Variants in TEX264 observed in about 807,000 individuals in gnomAD.
The protein encoded by TEX264 is testis expressed 264, ER-phagy receptor, also known as testis-expressed protein 264.
Under a neutral mutation model 23.4 loss-of-function variants are expected in TEX264, and 13 were observed. The ratio of observed to expected loss-of-function variants is 0.56; its 90% CI spans 0.36 to 0.88. TEX264 has a LOEUF of 0.88. Among genes scored for constraint, TEX264 ranks in the 40% least tolerant of loss-of-function variants. The probability of loss-of-function intolerance (pLI) is 0.01; values close to 1 mark genes in which losing one functional copy is unlikely to be tolerated. For synonymous variants in TEX264, 159 were observed against 170.0 expected (o/e 0.94, Z 0.50); for missense variants, 340 against 406.8 (o/e 0.84, Z 1.41).
chr3:51,684,121 C>A (rs1023215158), intron 2 of TEX264: 8 of 428,444 alleles, frequency 1.9e-5, no homozygotes, highest in South Asian at 2.6e-5. Context: ...CTCTCCTGGC[C>A]TCCAGAAGGG....
intron 3 of TEX264, among the ~76,000 whole-genome samples, chr3:51,689,468 GGGAA>G (rs1437299111): frequency 6.8e-6 from 1 of 146,808 alleles, no homozygotes; most frequent in African/African-American, 2.5e-5. Flanking sequence ...AAAAAAAAAA[GGGAA>G]GGAAGGAAGT....
At chr3:51,694,000 T>G (rs1702931662) in intron 3 of TEX264, among the ~76,000 whole-genome samples, 1 of 55,770 alleles carries the variant, frequency 1.8e-5, no homozygotes, top group African/African-American at 9.5e-5. Flanking sequence ...CCTTCCTTCC[T>G]TCCTTCCTTC....
intron 3 of TEX264, 72 bp from the exon 4 acceptor site, chr3:51,699,334 G>A (rs1703192467): frequency 3.9e-6 from 6 of 1,519,920 alleles, no homozygotes; most frequent in Non-Finnish European, 9.0e-7. Context: ...AGACAGTTCT[G>A]GGGGTCACCC....
intron 3 of TEX264, among the ~76,000 whole-genome samples, chr3:51,690,136 C>G (rs186502794): frequency 1.3e-5 from 2 of 152,324 alleles, no homozygotes; most frequent in South Asian, 2.1e-4. Context: ...GTTTGCTTCC[C>G]TTTAGTCTGC....
chr3:51,687,205 T>C (rs1702653722), intron 3 of TEX264, among the ~76,000 whole-genome samples: 1 of 152,182 alleles, frequency 6.6e-6, no homozygotes, highest in Admixed American at 6.5e-5. Flanking sequence ...AGAGGCCGGC[T>C]GCCCACAGAA....
intron 3 of TEX264, among the ~76,000 whole-genome samples, chr3:51,694,768 C>G (rs1702993331): frequency 6.6e-6 from 1 of 152,188 alleles, no homozygotes; most frequent in Non-Finnish European, 1.5e-5. Context: ...TTGGGCTCTG[C>G]TGGTGTGAGG....
intron 4 of TEX264, among the ~76,000 whole-genome samples, chr3:51,700,152 C>T (rs1703238581): frequency 6.6e-6 from 1 of 152,186 alleles, no homozygotes; most frequent in Non-Finnish European, 1.5e-5. Context: ...GGCCCCAGGT[C>T]CAGGCTGGAA....
At chr3:51,700,108 C>T (rs1349864626) in intron 4 of TEX264, among the ~76,000 whole-genome samples, 2 of 152,148 alleles carry the variant, frequency 1.3e-5, no homozygotes, top group African/African-American at 2.4e-5. Flanking sequence ...TGCCTTTCTC[C>T]AGGGCCAGCC....
chr3:51,680,155 A>G (rs1283048761), intron 2 of TEX264, among the ~76,000 whole-genome samples: 2 of 152,042 alleles, frequency 1.3e-5, no homozygotes, highest in Non-Finnish European at 2.9e-5. Flanking sequence ...GGTTTGAGAG[A>G]TGGTGCTGCT....
chr3:51,694,089 T>A (rs112396160), intron 3 of TEX264, among the ~76,000 whole-genome samples: 3 of 48,018 alleles, frequency 6.2e-5, no homozygotes, highest in African/African-American at 3.1e-4. Flanking sequence ...CCGTCCGTCC[T>A]TCCTTCCTTC....
intron 3 of TEX264, among the ~76,000 whole-genome samples, chr3:51,694,086 TCCTTC>T (rs1449258297): frequency 1.3e-4 from 3 of 23,664 alleles, no homozygotes; most frequent in Admixed American, 3.5e-4. Context: ...CTTCCGTCCG[TCCTTC>T]CTTCCTTCCT....
At chr3:51,681,018 A>T (rs1292149326) in intron 2 of TEX264, among the ~76,000 whole-genome samples, 2 of 152,098 alleles carry the variant, frequency 1.3e-5, no homozygotes, top group Non-Finnish European at 2.9e-5. Flanking sequence ...TCCCAGCTTC[A>T]ACTTTGCATG....
At position 51,703,057 on chromosome 3, in the gene TEX264, G is replaced by A. The variant is rs1470110053; in HGVS notation, c.650-667G>A. Reference sequence around the variant, plus strand: ...CATAGGGAGAGAAAACCCTTAACATGTTTCATCCCAGCACCCTCCTCCTTG... The same window carrying A: ...CATAGGGAGAGAAAACCCTTAACATATTTCATCCCAGCACCCTCCTCCTTG... On this transcript the variant is annotated intron_variant, in intron 4 of 4. Transcript: ENST00000341333. This position sits in a 1 kb window ranked among gnomAD's most constrained non-coding sequence, Gnocchi z 4.8. Among the ~76,000 whole-genome samples, 1 of 152,128 alleles carries A rather than the reference G, an allele frequency of 6.6e-6. No individual in the cohort carries two copies. The highest frequency in any genetic ancestry group is 1.5e-5 in the Non-Finnish European group (1 of 67,992).
chr3:51,673,420 C>T (rs199917481), intron 1 of TEX264, among the ~76,000 whole-genome samples: 1 of 152,254 alleles, frequency 6.6e-6, no homozygotes, highest in East Asian at 1.9e-4. Context: ...GTTCCTGGGA[C>T]TGCTCTTGAA....
chr3:51,673,116 A>T (rs1469604270), intron 1 of TEX264, among the ~76,000 whole-genome samples: 1 of 152,220 alleles, frequency 6.6e-6, no homozygotes, highest in Non-Finnish European at 1.5e-5. Context: ...ACCCACAGGG[A>T]AGAAATAATT....
chr3:51,689,837 G>A (rs1223710166), intron 3 of TEX264, among the ~76,000 whole-genome samples: 1 of 152,198 alleles, frequency 6.6e-6, no homozygotes, highest in Non-Finnish European at 1.5e-5. Flanking sequence ...TGCAGGTAGG[G>A]CAGGAGCTCC....
At chr3:51,687,818 G>T (rs1309644358) in intron 3 of TEX264, among the ~76,000 whole-genome samples, 3 of 152,210 alleles carry the variant, frequency 2.0e-5, no homozygotes, top group Non-Finnish European at 4.4e-5. Context: ...CCTGGAACAG[G>T]ATTGGTCTCA....
chr3:51,703,686 G>T lies in TEX264; in HGVS notation c.650-38G>T, dbSNP rs199688268. ...CTCTCCCTGGAGGAGGGGGTGGGGTGGTCCTAGCTAACCTGTGCTCCCTTT... is the reference window on the plus strand; with the variant it reads ...CTCTCCCTGGAGGAGGGGGTGGGGTTGTCCTAGCTAACCTGTGCTCCCTTT... On this transcript the variant is annotated intron_variant, in intron 4 of 4. Coordinates refer to ENST00000341333, the MANE Select transcript of TEX264 (RefSeq NM_015926.6). The surrounding 1 kb of genome is among the most constrained non-coding windows in gnomAD (Gnocchi z 4.8). 8.9e-5 allele frequency: 137 copies of T among 1,540,470 alleles called. No individual in the cohort carries two copies. Among genetic ancestry groups the T allele is most frequent in the Non-Finnish European group, 9.9e-5 (112 of 1,136,824 alleles).
At chr3:51,697,215 C>T (rs938965474) in intron 3 of TEX264, among the ~76,000 whole-genome samples, 4 of 152,230 alleles carry the variant, frequency 2.6e-5, no homozygotes, top group Admixed American at 6.5e-5. Flanking sequence ...AGCTGCCTCC[C>T]GCCTGCCAAC....
Sources: allele counts gnomAD v4.1 joint callset (sites outside exome capture counted in the v4.1 genomes callset), GRCh38; gene constraint gnomAD v4.1.1; non-coding constraint Gnocchi (gnomAD v3.1); transcripts MANE v1.5; gene names NCBI Gene and HGNC (gene_info 2026-07-23, HGNC 2026-07-21).